The following KIF16B variants were observed in gnomAD, a reference collection of about 807,000 sequenced individuals.
KIF16B encodes kinesin family member 16B.
A neutral mutation model predicts 156.3 loss-of-function variants in KIF16B; 98 were observed. The observed-to-expected ratio is 0.63, with a 90% CI of 0.53 to 0.74. The LOEUF (loss-of-function observed/expected upper bound fraction) is 0.74. Ranked by LOEUF, KIF16B falls within the 30% of genes least tolerant of loss-of-function variation. KIF16B has a pLI of 0.00. For missense variants in KIF16B, 1,421 were observed against 1,606.5 expected, an observed-to-expected ratio of 0.88 and a Z score of 1.97; for synonymous variants, 564 against 583.7, an observed-to-expected ratio of 0.97 and a Z score of 0.49.
chr20:16,460,922 T>TA (rs1376645700), intron 12 of KIF16B, among the ~76,000 whole-genome samples: 4 of 151,768 alleles, frequency 2.6e-5, no homozygotes, highest in Non-Finnish European at 5.9e-5. Context: ...TTGGGACAGT[T>TA]AAAAAAAATT....
intron 17 of KIF16B, among the ~76,000 whole-genome samples, chr20:16,385,734 G>A (rs1328204293): frequency 1.3e-5 from 2 of 152,286 alleles, no homozygotes; most frequent in Middle Eastern, 3.4e-3. Flanking sequence ...CAGTGCTGGT[G>A]CTCAAGGTGG....
At position 16,433,598 on chromosome 20, in the gene KIF16B, C is replaced by G. The variant is rs73095069; in HGVS notation, c.1303-3616G>C. ...GCATGTAGACACACACACACACACA[C>G]AGAGACACACACACTCACACACACA... On this transcript the variant is annotated intron_variant, in intron 12 of 25. Transcript: ENST00000354981. Among the ~76,000 whole-genome samples the G allele has an allele frequency of 2.4e-4, 32 of 132,272 alleles. No homozygotes were observed. In the East Asian group the frequency reaches 3.6e-3, roughly 15 times the overall value. The allele number at this position is 132,272 out of a possible 152,430, so 86.8% of individuals were successfully genotyped here.
intron 5 of KIF16B, among the ~76,000 whole-genome samples, chr20:16,511,737 G>A (rs2068961979): frequency 6.6e-6 from 1 of 152,162 alleles, no homozygotes; most frequent in Admixed American, 6.5e-5. Context: ...AGGACATACA[G>A]TGGGTCCTCA....
chr20:16,382,211 T>C, intron 17 of KIF16B: 3 of 779,532 alleles, frequency 3.8e-6, no homozygotes, highest in Non-Finnish European at 5.6e-6. Context: ...TAGGAAGGAA[T>C]ATCAGGAGAA....
At chr20:16,430,518 AC>A (rs2066469148) in intron 12 of KIF16B, among the ~76,000 whole-genome samples, 1 of 151,538 alleles carries the variant, frequency 6.6e-6, no homozygotes, top group Admixed American at 6.6e-5. Context: ...CCATCCCCAA[AC>A]CCCACCACGT....
chr20:16,356,485 G>T (rs771642078), intron 22 of KIF16B, 33 bp from the exon 23 acceptor site: 6 of 1,612,582 alleles, frequency 3.7e-6, no homozygotes, highest in Non-Finnish European at 5.1e-6. Context: ...GGAGAACAAA[G>T]AGAAACCAGA....
chr20:16,472,578 TA>T (rs2067693568), intron 12 of KIF16B, among the ~76,000 whole-genome samples: 1 of 105,016 alleles, frequency 9.5e-6, no homozygotes, highest in African/African-American at 3.6e-5. Context: ...AAAAAAAAAG[TA>T]AAAGGACCAA....
chr20:16,528,988 A>G (rs1200643912), intron 1 of KIF16B, among the ~76,000 whole-genome samples: 4 of 152,190 alleles, frequency 2.6e-5, no homozygotes, highest in South Asian at 2.1e-4. Context: ...ATGACCATAC[A>G]TTTACCCAAT....
rs558055777 is a variant in KIF16B at position 16,432,253 on chromosome 20, G to A, written c.1303-2271C>T. Among the ~76,000 whole-genome samples, 19 of 152,212 alleles carry A rather than the reference G, an allele frequency of 1.2e-4. No individual in the cohort carries two copies. In the South Asian group the frequency reaches 3.7e-3, roughly 30 times the overall value. On this transcript the variant is annotated intron_variant, in intron 12 of 25. Transcript: ENST00000354981. ...TTGAGGTTGGGCTGAACCAGGTTCA[G>A]ACTAAATCATGTACAAGAGCATGAC...
intron 1 of KIF16B, among the ~76,000 whole-genome samples, chr20:16,548,860 C>T (rs572383729): frequency 6.6e-6 from 1 of 152,232 alleles, no homozygotes; most frequent in South Asian, 2.1e-4. Flanking sequence ...CTGCTTGTGG[C>T]ACAACGAGAC....
At chr20:16,568,667 T>G (rs2071346986) in intron 1 of KIF16B, among the ~76,000 whole-genome samples, 2 of 151,750 alleles carry the variant, frequency 1.3e-5, no homozygotes. Flanking sequence ...TTTTAAAAAT[T>G]AGCCAAGTGT....
chr20:16,361,453 G>T (rs1411555276), intron 22 of KIF16B, among the ~76,000 whole-genome samples: 1 of 152,172 alleles, frequency 6.6e-6, no homozygotes, highest in Non-Finnish European at 1.5e-5. Flanking sequence ...TTTGCTATGA[G>T]GGGATCTTGT....
chr20:16,573,131 G>A, intron 1 of KIF16B, 98 bp downstream of exon 1: 1 of 1,225,056 alleles, frequency 8.2e-7, no homozygotes, highest in South Asian at 1.3e-5. Context: ...ACCAGCCGGT[G>A]ACACTTTTAA....
intron 1 of KIF16B, among the ~76,000 whole-genome samples, chr20:16,564,528 G>C (rs1487273628): frequency 2.0e-5 from 3 of 152,036 alleles, no homozygotes; most frequent in Non-Finnish European, 4.4e-5. Flanking sequence ...GGGGGGAGAG[G>C]GGAGGGATAG....
At chr20:16,376,949 G>T (rs1302802368) in intron 19 of KIF16B, among the ~76,000 whole-genome samples, 2 of 152,130 alleles carry the variant, frequency 1.3e-5, no homozygotes, top group Non-Finnish European at 2.9e-5. Flanking sequence ...TAGGGTTTTT[G>T]ATTGTTATTT....
intron 12 of KIF16B, among the ~76,000 whole-genome samples, chr20:16,484,380 CCT>C (rs1451547427): frequency 6.6e-6 from 1 of 152,190 alleles, no homozygotes; most frequent in African/African-American, 2.4e-5. Context: ...GTCATCTCCC[CCT>C]GTTAATTATC....
chr20:16,380,429 TA>T (rs1201346740), intron 18 of KIF16B, among the ~76,000 whole-genome samples: 6 of 152,230 alleles, frequency 3.9e-5, no homozygotes, highest in Non-Finnish European at 8.8e-5. Context: ...CATAATGTGT[TA>T]TGCATGATAT....
chr20:16,551,132 C>CTTCTT lies in KIF16B; in HGVS notation c.47+22096_47+22097insAAGAA, dbSNP rs55770608. On this transcript the variant is annotated intron_variant, in intron 1 of 25. Transcript: ENST00000354981. ...AACCACCAGTGAGGGGCTTTCTCTT[C>CTTCTT]TTTTTTTTTTTTTTTTGAGATGCAG... Among the ~76,000 whole-genome samples the CTTCTT allele has an allele frequency of 2.1e-3, 291 of 139,118 alleles. 2 individuals are homozygous for CTTCTT. Among genetic ancestry groups the CTTCTT allele is most frequent in the African/African-American group, 6.9e-3 (262 of 37,964 alleles). 91.3% of individuals were successfully genotyped at this position (139,118 alleles called of 152,430 possible). A position where few individuals can be genotyped will look rare whatever the true frequency, so the allele number is the denominator to read the frequency against.
intron 12 of KIF16B, among the ~76,000 whole-genome samples, chr20:16,472,553 TAAAAAAAA>T (rs11318601): frequency 2.6e-5 from 3 of 113,562 alleles, no homozygotes; most frequent in Non-Finnish European, 5.3e-5. Context: ...CATCTGAAAT[TAAAAAAAA>T]AAAAAAAAAA....
Sources: allele counts gnomAD v4.1 joint callset (sites outside exome capture counted in the v4.1 genomes callset), GRCh38; gene constraint gnomAD v4.1.1; transcripts MANE v1.5; gene names NCBI Gene and HGNC (gene_info 2026-07-23, HGNC 2026-07-21).